The following CABLES2 variants were observed in gnomAD, a reference collection of about 807,000 sequenced individuals.
CABLES2 encodes the protein Cdk5 and Abl enzyme substrate 2.
Under a neutral mutation model 44.8 loss-of-function variants are expected in CABLES2, and 35 were observed. The observed-to-expected ratio is 0.78, with a 90% CI of 0.60 to 1.04. The LOEUF (loss-of-function observed/expected upper bound fraction) is 1.04, where lower values mean the gene tolerates loss of function less well. CABLES2 is among the 50% of genes least tolerant of loss of function. The probability of loss-of-function intolerance (pLI) is 0.00; values close to 1 mark genes in which losing one functional copy is unlikely to be tolerated. For missense variants in CABLES2, 566 were observed against 615.7 expected (o/e 0.92, Z 0.85); for synonymous variants, 282 against 281.1 (o/e 1.00, Z -0.03).
Position 62,393,135 on chromosome 20 carries a change from C to T in CABLES2, c.881-112G>A, listed in dbSNP as rs1264920923. 5.3e-6 allele frequency: 5 copies of T among 950,762 alleles called. No individual in the cohort carries two copies. In the Admixed American group the frequency reaches 1.1e-4, roughly 20 times the overall value. 58.9% of individuals were successfully genotyped at this position (950,762 alleles called of 1,614,324 possible). A position where few individuals can be genotyped will look rare whatever the true frequency, so the allele number is the denominator to read the frequency against. ...GGCAAGGCCGAGCAGGGGAGGGGCTCTAGGCCATGGTTCTCTCCTGAAGGG... is the reference window on the plus strand; with the variant it reads ...GGCAAGGCCGAGCAGGGGAGGGGCTTTAGGCCATGGTTCTCTCCTGAAGGG... On this transcript the variant is annotated intron_variant, in intron 6 of 9. Transcript: ENST00000279101.
Position 62,390,973 on chromosome 20 carries a change from AGAACTGCT to A in CABLES2, c.1427_1434del (p.Gln476LeufsTer23). 1 of 1,614,070 alleles carries A rather than the reference AGAACTGCT, an allele frequency of 6.2e-7. No homozygotes were observed. The highest frequency in any genetic ancestry group is 1.3e-5 in the African/African-American group (1 of 75,030). ...CTGAGCCTTCTGTGGGGCCTCTGCT[AGAACTGCT>A]GGGTGAGGCGCCTGTAATGAGGTAA... On this transcript the variant is annotated frameshift_variant, in exon 10 of 10. Coordinates refer to ENST00000279101, the MANE Select transcript of CABLES2 (RefSeq NM_031215.3). LOFTEE classifies it high-confidence loss of function.
At chr20:62,399,526 C>T (rs1276968332) in intron 1 of CABLES2, among the ~76,000 whole-genome samples, 7 of 149,912 alleles carry the variant, frequency 4.7e-5, no homozygotes, top group Admixed American at 3.3e-4. Flanking sequence ...GGATTACAGG[C>T]GTGAGCCACC....
At chr20:62,394,006 G>T in intron 5 of CABLES2, 151 bp downstream of exon 5, 1 of 674,604 alleles carries the variant, frequency 1.5e-6, no homozygotes, top group Non-Finnish European at 2.6e-6. Context: ...CGTTCTCAGG[G>T]CTGCACGGGC....
rs1555890802 is a variant in CABLES2, at chr20:62,398,187, A to ATGATGGTGATGGTGG, written c.363-1596_363-1595insCCACCATCACCATCA. On this transcript the variant is annotated intron_variant, in intron 1 of 9. Coordinates refer to ENST00000279101, the MANE Select transcript of CABLES2 (RefSeq NM_031215.3). ...GATGGTGGTAATGGTGGTGGTGGTG[A>ATGATGGTGATGGTGG]TGGTGATGATGGTGGTGATGGTGAT... Among the ~76,000 whole-genome samples, 51 of 92,766 alleles carry ATGATGGTGATGGTGG rather than the reference A, an allele frequency of 5.5e-4. 1 individual carries two copies. The South Asian group carries it at 0.018, about 34-fold the overall frequency. 60.9% of individuals were successfully genotyped at this position (92,766 alleles called of 152,430 possible).
At position 62,391,529 on chromosome 20, in the gene CABLES2, C is replaced by T; in HGVS notation, c.1092-76G>A. The T allele has an allele frequency of 6.8e-7, 1 of 1,479,792 alleles. No individual in the cohort carries two copies. The highest frequency in any genetic ancestry group is 9.4e-7 in the Non-Finnish European group (1 of 1,064,012). The allele number at this position is 1,479,792 out of a possible 1,614,324, so 91.7% of individuals were successfully genotyped here. A position where few individuals can be genotyped will look rare whatever the true frequency, so the allele number is the denominator to read the frequency against. On this transcript the variant is annotated intron_variant, in intron 8 of 9. Transcript: ENST00000279101. The surrounding 1 kb of genome is among the most constrained non-coding windows in gnomAD (Gnocchi z 5.7). ...GGAGGCAGCCCCCTGCCACCACCAA[C>T]CGAGGCTGGAGCGATGTAGCTTTGG...
intron 1 of CABLES2, among the ~76,000 whole-genome samples, chr20:62,398,071 C>CT (rs1329645222): frequency 1.5e-5 from 1 of 68,234 alleles, no homozygotes; most frequent in African/African-American, 6.7e-5. Flanking sequence ...GTGGTGGTGA[C>CT]GGTGGTGGTG....
chr20:62,398,277 T>TGATGGTGATGGCGGC (rs1392167390), intron 1 of CABLES2, among the ~76,000 whole-genome samples: 1 of 136,892 alleles, frequency 7.3e-6, no homozygotes, highest in African/African-American at 2.7e-5. Flanking sequence ...ATGGCGGTGG[T>TGATGGTGATGGCGGC]GGTGGTGGTG....
chr20:62,391,215 C>A lies in CABLES2; in HGVS notation c.1296+34G>T, dbSNP rs1452871228. 1.2e-6 allele frequency: 2 copies of A among 1,603,214 alleles called. No individual in the cohort carries two copies. The highest frequency in any genetic ancestry group is 1.7e-6 in the Non-Finnish European group (2 of 1,172,914). On this transcript the variant is annotated intron_variant, in intron 9 of 9. Coordinates refer to ENST00000279101, the MANE Select transcript of CABLES2 (RefSeq NM_031215.3). The surrounding 1 kb of genome is among the most constrained non-coding windows in gnomAD (Gnocchi z 5.7). The stretch of plus-strand genomic sequence containing the variant: ...AGTGGCCCTGGCTCGATGTCATGAC[C>A]CTGCCTGCAGTGCCTGCCGAGCCGG...
At chr20:62,394,822 G>T in intron 4 of CABLES2, 115 bp downstream of exon 4, 2 of 890,662 alleles carry the variant, frequency 2.2e-6, no homozygotes, top group Non-Finnish European at 3.4e-6. Context: ...ATGAGCCCGG[G>T]GGCAGCCGCA....
chr20:62,393,173 G>A (rs1987952217), intron 6 of CABLES2, 150 bp from the exon 7 acceptor site: 17 of 758,278 alleles, frequency 2.2e-5, no homozygotes, highest in Admixed American at 1.1e-4. Context: ...CAGGGCTTAG[G>A]GCAAGAAAAG....
rs1398504907 is a variant in CABLES2, at chr20:62,390,950, G to C, written c.*21C>G. 1.2e-6 allele frequency: 2 copies of C among 1,613,220 alleles called. No homozygotes were observed. Among genetic ancestry groups the C allele is most frequent in the Non-Finnish European group, 1.7e-6 (2 of 1,179,370 alleles). ...GCCGGCAAGTGCACCTCGGTGCCCT[G>C]AGCCTTCTGTGGGGCCTCTGCTAGA... is the stretch of plus-strand genomic sequence containing the variant. On this transcript the variant is annotated 3_prime_UTR_variant, in exon 10 of 10. Coordinates refer to ENST00000279101, the MANE Select transcript of CABLES2 (RefSeq NM_031215.3).
chr20:62,407,130 A>C lies in CABLES2; in HGVS notation c.147T>G (p.Leu49=). ...RGDSRRRQAA[L]FFLNNISLDG... ...CCAGGGAGATGTTGTTGAGGAAGAA[A>C]AGCGCGGCCTGGCGGCGCCGCGAGT... is the stretch of plus-strand genomic sequence containing the variant. Residue 49 remains leucine, a synonymous_variant, in exon 1 of 10, where the codon CTT becomes CTG. Transcript: ENST00000279101. The C allele has an allele frequency of 9.7e-7, 1 of 1,029,812 alleles. No homozygotes were observed. Among genetic ancestry groups the C allele is most frequent in the Non-Finnish European group, 1.2e-6 (1 of 857,170 alleles). 63.8% of individuals were successfully genotyped at this position (1,029,812 alleles called of 1,614,324 possible).
chr20:62,393,978 C>T (rs753892423), intron 5 of CABLES2, among the ~76,000 whole-genome samples, 179 bp downstream of exon 5: 1 of 152,152 alleles, frequency 6.6e-6, no homozygotes, highest in Admixed American at 6.5e-5. Context: ...CGGGGGAGTC[C>T]GACGGGCTCC....
Position 62,391,411 on chromosome 20 carries a change from C to T in CABLES2, c.1134G>A (p.Leu378=), listed in dbSNP as rs777163994. The change falls in exon 9 of 10, where the codon CTG becomes CTA. Residue 378 remains leucine (L), a synonymous_variant. Coordinates refer to ENST00000279101, the MANE Select transcript of CABLES2 (RefSeq NM_031215.3). The surrounding 1 kb of genome is among the most constrained non-coding windows in gnomAD (Gnocchi z 5.7). The part of the protein sequence containing the change: ...EMRSLSEECS[L]EPVTVAMAYV... ...AGGCCATGGCCACCGTCACGGGCTC[C>T]AGGCTGCACTCCTCCGACAGGCTCC... 1.9e-6 allele frequency: 3 copies of T among 1,613,358 alleles called. No individual in the cohort carries two copies. Among genetic ancestry groups the T allele is most frequent in the Non-Finnish European group, 2.5e-6 (3 of 1,180,014 alleles).
intron 1 of CABLES2, among the ~76,000 whole-genome samples, chr20:62,399,499 G>A (rs959259716): frequency 3.3e-5 from 5 of 151,046 alleles, no homozygotes; most frequent in African/African-American, 4.9e-5. Flanking sequence ...CACCTGCCTC[G>A]GCCTCCCAAA....
Position 62,396,291 on chromosome 20 carries a change from C to G in CABLES2, c.527+24G>C. 4 of 1,605,682 alleles carry G rather than the reference C, an allele frequency of 2.5e-6. No homozygotes were observed. Among genetic ancestry groups the G allele is most frequent in the Non-Finnish European group, 3.4e-6 (4 of 1,172,624 alleles). On this transcript the variant is annotated intron_variant, in intron 3 of 9. Coordinates refer to ENST00000279101, the MANE Select transcript of CABLES2 (RefSeq NM_031215.3). This position sits in a 1 kb window ranked among gnomAD's most constrained non-coding sequence, Gnocchi z 5.7. ...GGCTTATGGAGACCACAGCCCTGGC[C>G]CGGTTCCCGGCTCCGCTTCATACCT...
intron 1 of CABLES2, among the ~76,000 whole-genome samples, chr20:62,406,582 A>C (rs541477011): frequency 2.8e-4 from 43 of 152,230 alleles, no homozygotes; most frequent in African/African-American, 9.4e-4. Flanking sequence ...AGGAACCCCC[A>C]GTTCTGTATC....
At chr20:62,397,954 T>TGAC (rs1366760733) in intron 1 of CABLES2, among the ~76,000 whole-genome samples, 1,542 of 124,014 alleles carry the variant, frequency 0.012, 32 homozygotes, top group Middle Eastern at 0.039. Flanking sequence ...GTGACGGTAG[T>TGAC]GGTGGTGATG....
At position 62,398,162 on chromosome 20, in the gene CABLES2, G is replaced by GGTGGTGGTGGTT. The variant is rs1436658474; in HGVS notation, c.363-1571_363-1570insAACCACCACCAC. Reference sequence around the variant, plus strand: ...TGATGGTGGTGGTGGTGGTGACGGTGATGGTGGTAATGGTGGTGGTGGTGA... The same window carrying GGTGGTGGTGGTT: ...TGATGGTGGTGGTGGTGGTGACGGTGGTGGTGGTGGTTATGGTGGTAATGGTGGTGGTGGTGA... On this transcript the variant is annotated intron_variant, in intron 1 of 9. Transcript: ENST00000279101. Among the ~76,000 whole-genome samples, 4 of 124,226 alleles carry GGTGGTGGTGGTT rather than the reference G, an allele frequency of 3.2e-5. No individual in the cohort carries two copies. The East Asian group carries it at 6.3e-4, about 20-fold the overall frequency. 81.5% of individuals were successfully genotyped at this position (124,226 alleles called of 152,430 possible).
Sources: allele counts gnomAD v4.1 joint callset (sites outside exome capture counted in the v4.1 genomes callset), GRCh38; gene constraint gnomAD v4.1.1; non-coding constraint Gnocchi (gnomAD v3.1); transcripts MANE v1.5; gene names NCBI Gene and HGNC (gene_info 2026-07-23, HGNC 2026-07-21).